The following MOB1B variants were observed in gnomAD, a reference collection of about 807,000 sequenced individuals.
MOB1B encodes MOB1 Mps One Binder homolog B.
Under a neutral mutation model 24.4 loss-of-function variants are expected in MOB1B, and 19 were observed. The observed-to-expected ratio is 0.78, with a 90% CI of 0.54 to 1.14. MOB1B has a LOEUF of 1.14. MOB1B is among the 50% of genes most tolerant of loss of function. MOB1B has a pLI of 0.00. For synonymous variants in MOB1B, 76 were observed against 82.1 expected (o/e 0.93, Z 0.40); for missense variants, 243 against 259.6 (o/e 0.94, Z 0.44).
intron 5 of MOB1B, among the ~76,000 whole-genome samples, chr4:70,979,766 C>G (rs893876687): frequency 5.9e-5 from 9 of 152,132 alleles, no homozygotes; most frequent in African/African-American, 2.2e-4. Flanking sequence ...TCCATCATGT[C>G]TGAGGGAAAA....
At position 70,943,954 on chromosome 4, in the gene MOB1B, A is replaced by G. The variant is rs563831875; in HGVS notation, c.15-14920A>G. ...TTTGATGTCAAAATGAATATTTAGA[A>G]TGAAAAAACACAGATCACAATTTTA... On this transcript the variant is annotated intron_variant, in intron 1 of 5. Coordinates refer to ENST00000309395, the MANE Select transcript of MOB1B (RefSeq NM_173468.4). Among the ~76,000 whole-genome samples the G allele has an allele frequency of 8.1e-4, 123 of 152,376 alleles. 1 individual carries two copies. Among genetic ancestry groups the G allele is most frequent in the Middle Eastern group, 3.4e-3 (1 of 294 alleles).
intron 1 of MOB1B, among the ~76,000 whole-genome samples, chr4:70,908,170 C>T (rs1323376038): frequency 1.3e-5 from 2 of 151,452 alleles, no homozygotes; most frequent in Non-Finnish European, 2.9e-5. Flanking sequence ...GGACTACAGG[C>T]ACCCACCACC....
chr4:70,947,576 G>A (rs1051137341), intron 1 of MOB1B, among the ~76,000 whole-genome samples: 4 of 152,032 alleles, frequency 2.6e-5, no homozygotes, highest in African/African-American at 9.7e-5. Flanking sequence ...GCTGCTAGTC[G>A]GTGGCTTGAT....
intron 1 of MOB1B, among the ~76,000 whole-genome samples, chr4:70,928,989 T>C (rs1019958519): frequency 2.0e-5 from 3 of 152,178 alleles, no homozygotes; most frequent in African/African-American, 7.2e-5. Context: ...CCCTGTAAAT[T>C]GTGTTCCCTC....
At chr4:70,943,880 AC>A (rs550454752) in intron 1 of MOB1B, among the ~76,000 whole-genome samples, 46 of 152,320 alleles carry the variant, frequency 3.0e-4, no homozygotes, top group South Asian at 1.7e-3. Context: ...ATAAAAAAAA[AC>A]AAAACATTTC....
At chr4:70,954,535 AACCTCCGC>A (rs1737956088) in intron 1 of MOB1B, among the ~76,000 whole-genome samples, 1 of 142,562 alleles carries the variant, frequency 7.0e-6, no homozygotes. Context: ...GGCTAACTGC[AACCTCCGC>A]CTCCTGGGTT....
intron 1 of MOB1B, among the ~76,000 whole-genome samples, chr4:70,919,332 A>C (rs1291121765): frequency 6.6e-6 from 1 of 151,870 alleles, no homozygotes; most frequent in Non-Finnish European, 1.5e-5. Context: ...AAAAAAAGAC[A>C]ATTTTGAAAC....
intron 1 of MOB1B, among the ~76,000 whole-genome samples, chr4:70,952,650 A>G (rs553162098): frequency 1.3e-5 from 2 of 151,544 alleles, no homozygotes; most frequent in Admixed American, 1.3e-4. Flanking sequence ...CTCAAAAAAA[A>G]AAAAAAAAAC....
At chr4:70,921,611 C>T (rs746664404) in intron 1 of MOB1B, among the ~76,000 whole-genome samples, 1 of 150,906 alleles carries the variant, frequency 6.6e-6, no homozygotes, top group African/African-American at 2.4e-5. Flanking sequence ...GCAGTTCAAG[C>T]AATTCTCTTG....
intron 1 of MOB1B, among the ~76,000 whole-genome samples, chr4:70,940,604 T>G (rs1737288486): frequency 6.6e-6 from 1 of 152,220 alleles, no homozygotes; most frequent in African/African-American, 2.4e-5. Context: ...TAAAATCTGA[T>G]TCCGAATGGA....
At chr4:70,975,353 C>A (rs1578403661) in intron 4 of MOB1B, 67 bp downstream of exon 4, 1 of 1,580,328 alleles carries the variant, frequency 6.3e-7, no homozygotes, top group Non-Finnish European at 8.6e-7. Context: ...GAATTTTCCT[C>A]CCTCTTTCCA....
chr4:70,977,763 C>T (rs977236114), intron 4 of MOB1B, among the ~76,000 whole-genome samples: 1 of 152,096 alleles, frequency 6.6e-6, no homozygotes, highest in Non-Finnish European at 1.5e-5. Context: ...ACAGTCACAT[C>T]TCACTGCAGC....
chr4:70,956,196 C>G (rs1048608271), intron 1 of MOB1B, among the ~76,000 whole-genome samples: 5 of 152,092 alleles, frequency 3.3e-5, no homozygotes, highest in African/African-American at 7.2e-5. Flanking sequence ...ACTGGAAAGT[C>G]GCTGAGTTGT....
intron 1 of MOB1B, among the ~76,000 whole-genome samples, chr4:70,937,593 T>C (rs565169567): frequency 4.4e-4 from 66 of 151,452 alleles, no homozygotes; most frequent in Non-Finnish European, 8.5e-4. Flanking sequence ...CTCACTGCAA[T>C]CTCTGCCTCC....
chr4:70,964,800 G>A (rs1365598282), intron 2 of MOB1B, among the ~76,000 whole-genome samples: 1 of 151,846 alleles, frequency 6.6e-6, no homozygotes, highest in African/African-American at 2.4e-5. Context: ...CGTGGTTGGG[G>A]CATGCCTGTA....
At chr4:70,917,126 A>G (rs1012170817) in intron 1 of MOB1B, among the ~76,000 whole-genome samples, 1 of 152,202 alleles carries the variant, frequency 6.6e-6, no homozygotes, top group African/African-American at 2.4e-5. Flanking sequence ...AGAACAGTGA[A>G]GGCCTCCTGG....
intron 1 of MOB1B, among the ~76,000 whole-genome samples, chr4:70,938,642 G>A (rs189814136): frequency 3.3e-5 from 5 of 152,166 alleles, no homozygotes; most frequent in Admixed American, 3.3e-4. Flanking sequence ...TTTAAACAGA[G>A]TGGTAAAAAT....
intron 3 of MOB1B, among the ~76,000 whole-genome samples, chr4:70,971,552 T>G (rs527481401): frequency 6.6e-6 from 1 of 152,036 alleles, no homozygotes; most frequent in East Asian, 1.9e-4. Context: ...GTCTCCTAGT[T>G]TTATCATCAA....
At chr4:70,975,945 G>C in intron 4 of MOB1B, 1 of 493,084 alleles carries the variant, frequency 2.0e-6, no homozygotes, top group Non-Finnish European at 2.6e-6. Flanking sequence ...TATTGCCCAG[G>C]CTGGAGTGCA....
Sources: gnomAD v4.1 joint callset for allele counts (sites outside exome capture counted in the v4.1 genomes callset) on GRCh38, gnomAD v4.1.1 for gene constraint, MANE v1.5 for transcripts, NCBI Gene and HGNC (gene_info 2026-07-23, HGNC 2026-07-21) for gene names.